The following DENND10 variants were observed in gnomAD, a reference collection of about 807,000 sequenced individuals.
DENND10 encodes DENN domain-containing protein 10.
A neutral mutation model predicts 43.6 loss-of-function variants in DENND10; 24 were observed. The observed-to-expected ratio is 0.55, with a 90% CI of 0.40 to 0.77. The LOEUF (loss-of-function observed/expected upper bound fraction) is 0.77, where lower values mean the gene tolerates loss of function less well. DENND10 is among the 30% of genes least tolerant of loss of function. The probability of loss-of-function intolerance (pLI) is 0.00; values close to 1 mark genes in which losing one functional copy is unlikely to be tolerated. For synonymous variants in DENND10, 125 were observed against 157.6 expected (o/e 0.79, Z 1.55); for missense variants, 303 against 429.9 (o/e 0.70, Z 2.61).
In DENND10 at chr10:119,136,620, A is replaced by G. The variant is rs369139075; in HGVS notation, c.1047A>G (p.Ala349=). 2.0e-6 allele frequency: 3 copies of G among 1,538,266 alleles called. No homozygotes were observed. Among genetic ancestry groups the G allele is most frequent in the Non-Finnish European group, 2.6e-6 (3 of 1,137,108 alleles). ...CAGAAAACTTCCTTTATCATCTAGC[A>G]GCAGCCGAACAAATGCTGAAAATCT... The part of the protein sequence containing the change: ...PATENFLYHL[A]AAEQMLKI Residue 349 remains alanine, a synonymous_variant, in exon 9 of 9, where the codon GCA becomes GCG. Coordinates refer to ENST00000361432, the MANE Select transcript of DENND10 (RefSeq NM_207009.4).
At chr10:119,112,734 A>G (rs1845037199) in intron 3 of DENND10, among the ~76,000 whole-genome samples, 1 of 151,732 alleles carries the variant, frequency 6.6e-6, no homozygotes, top group Admixed American at 6.6e-5. Flanking sequence ...AGCTCAAGTG[A>G]TCTGCTCATG....
chr10:119,126,968 G>A (rs530927292), intron 6 of DENND10, among the ~76,000 whole-genome samples: 94 of 148,480 alleles, frequency 6.3e-4, no homozygotes, highest in Non-Finnish European at 1.0e-3. Context: ...GCTCAGTCTC[G>A]GCTCATTGCA....
intron 2 of DENND10, 126 bp from the exon 3 acceptor site, chr10:119,111,723 T>C: frequency 1.5e-6 from 1 of 667,704 alleles, no homozygotes; most frequent in Non-Finnish European, 2.6e-6. Flanking sequence ...TGAGGACTTG[T>C]TAAATTTTGG....
At chr10:119,112,138 G>A (rs555498678) in intron 3 of DENND10, among the ~76,000 whole-genome samples, 12 of 152,114 alleles carry the variant, frequency 7.9e-5, no homozygotes, top group Non-Finnish European at 1.5e-4. Flanking sequence ...GGGAAGAGAA[G>A]GAGCAGTTTT....
chr10:119,104,134 CGGCGGAAGATGGCTGCGGCCGAGGT>C lies in DENND10; in HGVS notation c.-2_23del, dbSNP rs1362584967. ...CGGCAGCCAGAGCTGCGCGCCGCGG[CGGCGGAAGATGGCTGCGGCCGAGGT>C]GGCGGACACTCAGCTGATGCTTGGA... is the stretch of plus-strand genomic sequence containing the variant. On this transcript the variant is annotated start_lost and 5_prime_UTR_variant, in exon 1 of 9. Transcript: ENST00000361432. 3 of 1,506,546 alleles carry C rather than the reference CGGCGGAAGATGGCTGCGGCCGAGGT, an allele frequency of 2.0e-6. No individual in the cohort carries two copies. The highest frequency in any genetic ancestry group is 2.7e-6 in the Non-Finnish European group (3 of 1,128,198). The allele number at this position is 1,506,546 out of a possible 1,614,324, so 93.3% of individuals were successfully genotyped here. A position where few individuals can be genotyped will look rare whatever the true frequency, so the allele number is the denominator to read the frequency against.
chr10:119,117,873 A>G (rs1845373390), intron 4 of DENND10, among the ~76,000 whole-genome samples: 1 of 152,094 alleles, frequency 6.6e-6, no homozygotes, highest in African/African-American at 2.4e-5. Flanking sequence ...AGGCTGAGGC[A>G]GGAGAATCAG....
intron 3 of DENND10, 76 bp downstream of exon 3, chr10:119,112,004 C>T (rs1845000336): frequency 2.7e-6 from 3 of 1,105,252 alleles, no homozygotes; most frequent in African/African-American, 3.1e-5. Context: ...GATTTCTACA[C>T]TGAGAAAGCA....
intron 4 of DENND10, among the ~76,000 whole-genome samples, chr10:119,118,484 A>C (rs1178323259): frequency 6.6e-6 from 1 of 152,200 alleles, no homozygotes. Context: ...GTCCCTGAGC[A>C]GGAGGCGAGG....
chr10:119,135,653 G>A (rs1032546739), intron 8 of DENND10, among the ~76,000 whole-genome samples: 1 of 151,782 alleles, frequency 6.6e-6, no homozygotes, highest in South Asian at 2.1e-4. Flanking sequence ...CTAAGCGAGG[G>A]GAAATGGGGT....
chr10:119,135,791 TAA>T (rs367836571), intron 8 of DENND10, among the ~76,000 whole-genome samples: 31,969 of 64,786 alleles, frequency 0.49, 6,232 homozygotes, highest in South Asian at 0.56. Context: ...ACTAAAATTG[TAA>T]AAAAAAAAAA....
rs756496708 is a variant in DENND10 at position 119,132,557 on chromosome 10, T to C, written c.845T>C (p.Leu282Pro). The C allele has an allele frequency of 6.2e-7, 1 of 1,614,184 alleles. No homozygotes were observed. The highest frequency in any genetic ancestry group is 1.7e-5 in the Admixed American group (1 of 60,024). The change falls in exon 8 of 9, where the codon CTA becomes CCA. Residue 282 changes from leucine to proline, a missense_variant. By Grantham distance (98) the Leu-to-Pro change is moderately conservative. Coordinates refer to ENST00000361432, the MANE Select transcript of DENND10 (RefSeq NM_207009.4). This position sits in a 1 kb window ranked among gnomAD's most constrained non-coding sequence, Gnocchi z 4.2. ...AAACTGCACAAAGAAATGGGTCAGC[T>C]AATTGTTCAGTCTGCAGAAGATCCA... is the stretch of plus-strand genomic sequence containing the variant. The part of the protein sequence containing the change: ...MGKLHKEMGQ[L>P]IVQSAEDPEK...
chr10:119,134,350 A>AT lies in DENND10; in HGVS notation c.897+1758dup, dbSNP rs71016544. ...CCACCACGCCTGGCCAGAAGACATG[A>AT]TTTTTTTTTTTTTTTTTGGAGACAG... On this transcript the variant is annotated intron_variant, in intron 8 of 8. Coordinates refer to ENST00000361432, the MANE Select transcript of DENND10 (RefSeq NM_207009.4). The AT allele has an allele frequency of 2.1e-3, 283 of 132,054 alleles. 2 individuals are homozygous for AT. The highest frequency in any genetic ancestry group is 0.013 in the Middle Eastern group (3 of 234). The allele number at this position is 132,054 out of a possible 1,614,324, so 8.2% of individuals were successfully genotyped here. A position where few individuals can be genotyped will look rare whatever the true frequency, so the allele number is the denominator to read the frequency against.
In DENND10 at chr10:119,104,207, T is replaced by C. The variant is rs925473503; in HGVS notation, c.55+10T>C. On this transcript the variant is annotated intron_variant, in intron 1 of 8. Transcript: ENST00000361432. ...GGAGTCGGGCTGATCGGTGAGGACG[T>C]AGGCGCCCTGCCTGGAAGCCCGCAC... 3 of 1,512,488 alleles carry C rather than the reference T, an allele frequency of 2.0e-6. No homozygotes were observed. Among genetic ancestry groups the C allele is most frequent in the Non-Finnish European group, 2.7e-6 (3 of 1,131,372 alleles). The allele number at this position is 1,512,488 out of a possible 1,614,324, so 93.7% of individuals were successfully genotyped here.
At chr10:119,111,704 A>G (rs771255647) in intron 2 of DENND10, 145 bp from the exon 3 acceptor site, 42 of 606,482 alleles carry the variant, frequency 6.9e-5, no homozygotes, top group Non-Finnish European at 1.0e-4. Context: ...AGAAGTATAA[A>G]GAAGCAAGTG....
At chr10:119,128,863 G>C (rs1845952562) in intron 6 of DENND10, among the ~76,000 whole-genome samples, 1 of 152,076 alleles carries the variant, frequency 6.6e-6, no homozygotes. Flanking sequence ...ACCACACTAA[G>C]AGGATGGTGC....
chr10:119,130,568 G>A (rs1486159123), intron 7 of DENND10, among the ~76,000 whole-genome samples: 1 of 152,198 alleles, frequency 6.6e-6, no homozygotes, highest in African/African-American at 2.4e-5. Flanking sequence ...AAAGTGCTGG[G>A]GTTACAGGCG....
At chr10:119,109,790 CTT>C (rs765025286) in intron 2 of DENND10, among the ~76,000 whole-genome samples, 9 of 139,972 alleles carry the variant, frequency 6.4e-5, no homozygotes, top group Admixed American at 7.2e-5. Flanking sequence ...AGCTAATTTT[CTT>C]TTTTTTTTTT....
At chr10:119,117,936 C>T (rs565020669) in intron 4 of DENND10, among the ~76,000 whole-genome samples, 7 of 151,558 alleles carry the variant, frequency 4.6e-5, no homozygotes, top group African/African-American at 7.3e-5. Context: ...CACTGCACTC[C>T]GGCCTGGGCA....
intron 3 of DENND10, among the ~76,000 whole-genome samples, chr10:119,116,648 CT>C (rs1845288271): frequency 1.5e-5 from 2 of 130,100 alleles, no homozygotes; most frequent in African/African-American, 2.8e-5. Flanking sequence ...CAAGCTTTTT[CT>C]TTTCTTTCTT....
Sources: allele counts gnomAD v4.1 joint callset (sites outside exome capture counted in the v4.1 genomes callset), GRCh38; gene constraint gnomAD v4.1.1; non-coding constraint Gnocchi (gnomAD v3.1); transcripts MANE v1.5; gene names NCBI Gene and HGNC (gene_info 2026-07-23, HGNC 2026-07-21).